PSD3: variants seen among roughly 807,000 people sequenced by gnomAD.
PSD3 encodes the protein pleckstrin and Sec7 domain containing 3, also known as PH and SEC7 domain-containing protein 3.
PSD3 carries 49 observed loss-of-function variants against 105.5 expected under a neutral mutation model. The observed-to-expected ratio is 0.46, with a 90% CI of 0.37 to 0.59. The LOEUF (loss-of-function observed/expected upper bound fraction) is 0.59, where lower values mean the gene tolerates loss of function less well. Among genes scored for constraint, PSD3 ranks in the 20% least tolerant of loss-of-function variants. PSD3 has a pLI of 0.00. For synonymous variants in PSD3, 557 were observed against 457.8 expected, an observed-to-expected ratio of 1.22 and a Z score of -2.77; for missense variants, 1,561 against 1,263.8, an observed-to-expected ratio of 1.24 and a Z score of -3.57.
chr8:18,559,396 C>G (rs182929978), intron 14 of PSD3, among the ~76,000 whole-genome samples: 13 of 152,228 alleles, frequency 8.5e-5, no homozygotes, highest in Non-Finnish European at 1.8e-4. Context: ...CATAGGTTTA[C>G]TGGGTTTCCT....
chr8:18,911,120 C>A (rs1190127726), intron 2 of PSD3, among the ~76,000 whole-genome samples: 1 of 151,954 alleles, frequency 6.6e-6, no homozygotes, highest in East Asian at 1.9e-4. Flanking sequence ...AATCAGTCAA[C>A]CAATAAAACA....
At chr8:18,575,391 G>T (rs1192401904) in intron 12 of PSD3, 106 bp from the exon 13 acceptor site, 3 of 1,088,588 alleles carry the variant, frequency 2.8e-6, no homozygotes, top group Non-Finnish European at 3.7e-6. Context: ...ATCCAAGTAA[G>T]TGAATGAAAA....
intron 2 of PSD3, among the ~76,000 whole-genome samples, chr8:18,915,632 T>C (rs118134480): frequency 0.05 from 7,577 of 152,196 alleles, 207 homozygotes; most frequent in Admixed American, 0.081. Context: ...AAATGCTGAA[T>C]GTCACTAATC....
At chr8:19,074,687 C>T (rs1318686122) in intron 1 of PSD3, among the ~76,000 whole-genome samples, 1 of 134,864 alleles carries the variant, frequency 7.4e-6, no homozygotes, top group Non-Finnish European at 1.5e-5. Flanking sequence ...GTGACGCGAT[C>T]GCAGCTCACC....
intron 10 of PSD3, among the ~76,000 whole-genome samples, chr8:18,645,383 A>G (rs1807955281): frequency 6.6e-6 from 1 of 152,220 alleles, no homozygotes; most frequent in African/African-American, 2.4e-5. Context: ...TAGCTAACAA[A>G]ATTAAGTGGT....
intron 1 of PSD3, among the ~76,000 whole-genome samples, chr8:19,012,132 C>G (rs750038939): frequency 6.6e-6 from 1 of 152,118 alleles, no homozygotes; most frequent in Non-Finnish European, 1.5e-5. Flanking sequence ...AGGTGTCCTA[C>G]CTACAGATCC....
intron 9 of PSD3, among the ~76,000 whole-genome samples, chr8:18,753,001 T>C (rs1438233484): frequency 4.6e-5 from 7 of 152,128 alleles, no homozygotes; most frequent in Non-Finnish European, 7.4e-5. Context: ...GGTTTCCAAA[T>C]GAACAGGGTA....
At chr8:18,677,963 TC>T (rs1800160350) in intron 9 of PSD3, among the ~76,000 whole-genome samples, 1 of 147,318 alleles carries the variant, frequency 6.8e-6, no homozygotes, top group Non-Finnish European at 1.5e-5. Context: ...TGAGCCGAGA[TC>T]AGGCCACTGC....
At chr8:18,965,092 C>T (rs937056427) in intron 1 of PSD3, among the ~76,000 whole-genome samples, 10 of 152,194 alleles carry the variant, frequency 6.6e-5, no homozygotes, top group Non-Finnish European at 1.0e-4. Flanking sequence ...AAGCATTATA[C>T]TTCACTGGAA....
At chr8:18,671,955 C>T (rs1799811966) in intron 9 of PSD3, among the ~76,000 whole-genome samples, 2 of 152,016 alleles carry the variant, frequency 1.3e-5, no homozygotes, top group Non-Finnish European at 2.9e-5. Flanking sequence ...ACTTTTATAC[C>T]CTGATCCTCT....
At chr8:18,623,473 A>G (rs1233733652) in intron 11 of PSD3, among the ~76,000 whole-genome samples, 2 of 147,938 alleles carry the variant, frequency 1.4e-5, no homozygotes, top group Non-Finnish European at 3.0e-5. Flanking sequence ...AAAAAAAAGA[A>G]AAAGGAAAAA....
At chr8:18,846,419 A>G (rs976813110) in intron 4 of PSD3, among the ~76,000 whole-genome samples, 10 of 152,140 alleles carry the variant, frequency 6.6e-5, no homozygotes, top group Non-Finnish European at 5.9e-5. Flanking sequence ...GAAACTAACG[A>G]TAGAACAGTT....
At chr8:18,915,071 C>G (rs773061283) in intron 2 of PSD3, among the ~76,000 whole-genome samples, 1 of 151,256 alleles carries the variant, frequency 6.6e-6, no homozygotes, top group African/African-American at 2.5e-5. Flanking sequence ...TGATCTTTGA[C>G]AAAGGTATCA....
chr8:18,709,120 G>A (rs1409457786), intron 9 of PSD3, among the ~76,000 whole-genome samples: 1 of 152,166 alleles, frequency 6.6e-6, no homozygotes, highest in Non-Finnish European at 1.5e-5. Context: ...GGGGAAAGGG[G>A]TGGCTGCCAT....
intron 1 of PSD3, among the ~76,000 whole-genome samples, chr8:18,971,769 C>G (rs1384991236): frequency 6.6e-6 from 1 of 152,082 alleles, no homozygotes; most frequent in African/African-American, 2.4e-5. Context: ...CTTTGGGAGG[C>G]CAAGGCAGGT....
In PSD3 at chr8:18,936,092, A is replaced by T. The variant is rs769309495; in HGVS notation, c.72T>A (p.Val24=). 1 of 1,613,536 alleles carries T rather than the reference A, an allele frequency of 6.2e-7. No individual in the cohort carries two copies. The highest frequency in any genetic ancestry group is 1.7e-5 in the Admixed American group (1 of 60,024). ...ATAAAAATTCATATTTGGCCTTGGC[A>T]ACACTCTGGGAATGTGCAGATGCAT... The part of the protein sequence containing the change: ...VNNASAHSQS[V]AKAKYEFLFG... Residue 24 remains valine (V), a synonymous_variant, in exon 2 of 16, where the codon GTT becomes GTA. Coordinates refer to ENST00000327040, the MANE Select transcript of PSD3 (RefSeq NM_015310.4).
chr8:18,919,855 T>C (rs1446267152), intron 2 of PSD3, among the ~76,000 whole-genome samples: 70 of 41,976 alleles, frequency 1.7e-3, no homozygotes, highest in African/African-American at 6.7e-3. Context: ...TGTGGTGGGG[T>C]GGGGGGAGGG....
intron 9 of PSD3, among the ~76,000 whole-genome samples, chr8:18,661,100 T>C (rs1464450182): frequency 1.3e-5 from 2 of 152,288 alleles, no homozygotes; most frequent in African/African-American, 2.4e-5. Context: ...GAGTCTCTCT[T>C]TCTCTCTCCA....
rs543128452 is a variant in PSD3 at position 18,754,845 on chromosome 8, A to G, written c.2172+10604T>C. ...CCTTTATGGGATATTTTGACTATAT[A>G]ATTATAAATGCCTTTAAAATAAAAT... On this transcript the variant is annotated intron_variant, in intron 9 of 15. Transcript: ENST00000327040. Among the ~76,000 whole-genome samples the G allele has an allele frequency of 5.3e-5, 8 of 152,266 alleles. No individual in the cohort carries two copies. The East Asian group carries it at 1.5e-3, about 29-fold the overall frequency.
Sources: allele counts gnomAD v4.1 joint callset (sites outside exome capture counted in the v4.1 genomes callset), GRCh38; gene constraint gnomAD v4.1.1; transcripts MANE v1.5; gene names NCBI Gene and HGNC (gene_info 2026-07-23, HGNC 2026-07-21).